Variants in NFIA observed in about 807,000 individuals in gnomAD.
NFIA encodes nuclear factor 1 A-type.
A neutral mutation model predicts 62.8 loss-of-function variants in NFIA; 8 were observed. The observed-to-expected ratio is 0.13, with a 90% CI of 0.07 to 0.23. The LOEUF is 0.23. Among genes scored for constraint, NFIA ranks in the 10% least tolerant of loss-of-function variants. The pLI, the probability that NFIA is intolerant of heterozygous loss-of-function variation, is 1.00. For synonymous variants in NFIA, 235 were observed against 238.1 expected, an observed-to-expected ratio of 0.99 and a Z score of 0.12; for missense variants, 410 against 642.1, an observed-to-expected ratio of 0.64 and a Z score of 3.91.
At chr1:61,081,808 A>C (rs1471109828), upstream of NFIA, 6 of 1,457,614 alleles carry the variant, frequency 4.1e-6, no homozygotes, top group Admixed American at 1.1e-4. Flanking sequence ...GATTGTGTGC[A>C]TAATTACCTC....
chr1:61,080,765 G>C (rs1222869819), upstream of NFIA, among the ~76,000 whole-genome samples: 1 of 152,206 alleles, frequency 6.6e-6, no homozygotes, highest in Non-Finnish European at 1.5e-5. Flanking sequence ...AGGATGTTCA[G>C]GAGGGAGGGT....
intron 2 of NFIA, among the ~76,000 whole-genome samples, chr1:61,141,062 CA>C (rs1246186903): frequency 3.7e-5 from 5 of 136,136 alleles, no homozygotes. Flanking sequence ...ATTGGGAAAT[CA>C]TATTATGTGA....
intron 7 of NFIA, among the ~76,000 whole-genome samples, chr1:61,383,710 GCACATGCGCGTGCA>G (rs998472778): frequency 6.6e-6 from 1 of 152,202 alleles, no homozygotes; most frequent in African/African-American, 2.4e-5. Flanking sequence ...GTGTGTGTGC[GCACATGCGCGTGCA>G]CACATGCATG....
At chr1:61,147,236 C>T (rs1570262282) in intron 2 of NFIA, among the ~76,000 whole-genome samples, 1 of 151,998 alleles carries the variant, frequency 6.6e-6, no homozygotes. Context: ...CTGCAACCTC[C>T]GCCTCCTGAG....
chr1:61,333,376 C>T (rs1458770715), intron 4 of NFIA, among the ~76,000 whole-genome samples: 1 of 152,130 alleles, frequency 6.6e-6, no homozygotes, highest in Admixed American at 6.5e-5. Context: ...TACAGGCTTG[C>T]AAGATTGACT....
chr1:61,282,932 C>T (rs902420826), intron 3 of NFIA, among the ~76,000 whole-genome samples: 1 of 152,104 alleles, frequency 6.6e-6, no homozygotes, highest in African/African-American at 2.4e-5. Flanking sequence ...CTGGTAGTTG[C>T]ACATATGTTG....
chr1:61,461,128 G>A lies in NFIA; in HGVS notation c.*5808G>A, dbSNP rs1263793363. 5 of 152,014 alleles carry A rather than the reference G, an allele frequency of 3.3e-5. No individual in the cohort carries two copies. Among genetic ancestry groups the A allele is most frequent in the Non-Finnish European group, 7.4e-5 (5 of 68,026 alleles). The allele number at this position is 152,014 out of a possible 1,614,324, so 9.4% of individuals were successfully genotyped here. A position where few individuals can be genotyped will look rare whatever the true frequency, so the allele number is the denominator to read the frequency against. ...ATTTGAATTTCAAGAACTGTGCTGCGAAGACACTCTGAGAACATTTGCAAG... is the reference window on the plus strand; with the variant it reads ...ATTTGAATTTCAAGAACTGTGCTGCAAAGACACTCTGAGAACATTTGCAAG... On this transcript the variant is annotated 3_prime_UTR_variant, in exon 11 of 11. Transcript: ENST00000403491.
At chr1:61,153,627 G>C (rs1005644381) in intron 2 of NFIA, among the ~76,000 whole-genome samples, 1 of 152,196 alleles carries the variant, frequency 6.6e-6, no homozygotes, top group Non-Finnish European at 1.5e-5. Flanking sequence ...CAGCTAGCTT[G>C]TTCAGTTGTT....
chr1:61,332,600 TG>T lies in NFIA; in HGVS notation c.700+15del. On this transcript the variant is annotated intron_variant, in intron 4 of 10. Transcript: ENST00000403491. ...GAGTGTCACAGAGTAAGTATAATTTTGCTTTGATTTGGTACAGATTTGCCTT... is the reference window on the plus strand; with the variant it reads ...GAGTGTCACAGAGTAAGTATAATTTTCTTTGATTTGGTACAGATTTGCCTT... 1 of 1,612,094 alleles carries T rather than the reference TG, an allele frequency of 6.2e-7. No individual in the cohort carries two copies. Among genetic ancestry groups the T allele is most frequent in the Non-Finnish European group, 8.5e-7 (1 of 1,178,300 alleles).
At chr1:61,112,451 G>A (rs1646711749) in intron 2 of NFIA, among the ~76,000 whole-genome samples, 1 of 152,166 alleles carries the variant, frequency 6.6e-6, no homozygotes, top group African/African-American at 2.4e-5. Context: ...ATAAGTGTGT[G>A]CATTTGCACA....
intron 6 of NFIA, among the ~76,000 whole-genome samples, chr1:61,380,954 G>A (rs1242421637): frequency 6.6e-6 from 1 of 152,034 alleles, no homozygotes; most frequent in Admixed American, 6.6e-5. Flanking sequence ...TTTCAATCAT[G>A]TCAATATTTC....
chr1:61,134,245 AGTGTGTGTGTGTGTGTGTGTGT>A (rs61677972), intron 2 of NFIA, among the ~76,000 whole-genome samples: 3 of 146,294 alleles, frequency 2.1e-5, no homozygotes, highest in Admixed American at 6.8e-5. Flanking sequence ...TGTGTGTGTG[AGTGTGTGTGTGTGTGTGTGTGT>A]GTGTGTGTGT....
In NFIA at chr1:61,455,356, C is replaced by G; in HGVS notation, c.*36C>G. 6.2e-7 allele frequency: 1 copy of G among 1,614,136 alleles called. No homozygotes were observed. The highest frequency in any genetic ancestry group is 8.5e-7 in the Non-Finnish European group (1 of 1,179,994). On this transcript the variant is annotated 3_prime_UTR_variant, in exon 11 of 11. Transcript: ENST00000403491. ...GTCCCACCATCCACCAGACAGACCA[C>G]CTGACCCCTTCTCAACTCTGTAACA...
At chr1:61,330,443 C>CCCCACA (rs554691317) in intron 3 of NFIA, among the ~76,000 whole-genome samples, 35 of 90,732 alleles carry the variant, frequency 3.9e-4, no homozygotes, top group African/African-American at 1.0e-3. Context: ...TACACCCCCC[C>CCCCACA]CACACACACA....
intron 2 of NFIA, among the ~76,000 whole-genome samples, chr1:61,101,395 C>CAAAAAAAA (rs1226359890): frequency 1.5e-5 from 1 of 67,460 alleles, no homozygotes. Context: ...AACTCCATCT[C>CAAAAAAAA]AAAAAAAAAA....
intron 2 of NFIA, among the ~76,000 whole-genome samples, chr1:61,169,702 C>T (rs938209268): frequency 6.6e-6 from 1 of 152,142 alleles, no homozygotes; most frequent in Admixed American, 6.6e-5. Context: ...AAAACATGGC[C>T]CATGATGTCA....
chr1:61,119,208 CT>C (rs942044351), intron 2 of NFIA, among the ~76,000 whole-genome samples: 2 of 152,146 alleles, frequency 1.3e-5, no homozygotes, highest in Non-Finnish European at 2.9e-5. Flanking sequence ...ATGTTTCCCC[CT>C]GGTGTTACTT....
intron 2 of NFIA, among the ~76,000 whole-genome samples, chr1:61,160,348 G>C (rs1157928054): frequency 2.0e-5 from 3 of 152,208 alleles, no homozygotes; most frequent in Non-Finnish European, 4.4e-5. Context: ...GAAACTCTGG[G>C]AATGCAGTCC....
intron 3 of NFIA, among the ~76,000 whole-genome samples, chr1:61,280,385 A>G (rs1658059471): frequency 6.6e-6 from 1 of 152,248 alleles, no homozygotes; most frequent in African/African-American, 2.4e-5. Context: ...TGCTGATTGA[A>G]GAAGTAACAG....
Sources: allele counts gnomAD v4.1 joint callset (sites outside exome capture counted in the v4.1 genomes callset), GRCh38; gene constraint gnomAD v4.1.1; transcripts MANE v1.5; gene names NCBI Gene and HGNC (gene_info 2026-07-23, HGNC 2026-07-21).